Variants in CDH4 observed in about 807,000 individuals in gnomAD.
CDH4 encodes the protein cadherin-4.
In CDH4, 33 loss-of-function variants were observed where a neutral mutation model predicts 86.0. The observed-to-expected ratio is 0.38, with a 90% CI of 0.29 to 0.51. CDH4 has a LOEUF of 0.51. Among genes scored for constraint, CDH4 ranks in the 20% least tolerant of loss-of-function variants. The pLI, the probability that CDH4 is intolerant of heterozygous loss-of-function variation, is 0.86. For missense variants in CDH4, 1,114 were observed against 1,307.4 expected, an observed-to-expected ratio of 0.85 and a Z score of 2.28; for synonymous variants, 555 against 549.4, an observed-to-expected ratio of 1.01 and a Z score of -0.14.
chr20:61,926,519 A>T (rs919045039), intron 11 of CDH4, among the ~76,000 whole-genome samples: 1 of 152,186 alleles, frequency 6.6e-6, no homozygotes, highest in Admixed American at 6.5e-5. Flanking sequence ...GGTCAGGGGA[A>T]GCGTCTCCCC....
At chr20:61,718,858 T>C (rs2087996208) in intron 2 of CDH4, 1 of 471,040 alleles carries the variant, frequency 2.1e-6, no homozygotes, top group African/African-American at 2.0e-5. Context: ...TGGACTTCAC[T>C]GTTCCTGCTG....
chr20:61,273,732 G>A (rs1426543303), intron 2 of CDH4, among the ~76,000 whole-genome samples: 62 of 150,276 alleles, frequency 4.1e-4, no homozygotes, highest in African/African-American at 1.4e-3. Flanking sequence ...GGCATTTTGG[G>A]GAAGTACCAT....
intron 4 of CDH4, among the ~76,000 whole-genome samples, chr20:61,803,047 C>T (rs1044324000): frequency 2.0e-5 from 3 of 152,232 alleles, no homozygotes; most frequent in Non-Finnish European, 4.4e-5. Flanking sequence ...GTCTGGACAG[C>T]GCTCCCCTCC....
At chr20:61,498,077 G>A (rs1296390180) in intron 2 of CDH4, among the ~76,000 whole-genome samples, 1 of 123,752 alleles carries the variant, frequency 8.1e-6, no homozygotes, top group East Asian at 2.7e-4. Flanking sequence ...GGAGGGGGGA[G>A]GGATAGCATT....
rs1600798345 is a variant in CDH4, at chr20:61,937,013, C to T, written c.*70C>T. On this transcript the variant is annotated 3_prime_UTR_variant, in exon 16 of 16. Transcript: ENST00000614565. The stretch of plus-strand genomic sequence containing the variant: ...CCGGAGGAGCAGGACTGAGCAGAGG[C>T]GGCCGGTCTTCCCGACTCCCTGCGG... 5.9e-6 allele frequency: 8 copies of T among 1,363,924 alleles called. No individual in the cohort carries two copies. Among genetic ancestry groups the T allele is most frequent in the East Asian group, 2.6e-5 (1 of 39,002 alleles). 84.5% of individuals were successfully genotyped at this position (1,363,924 alleles called of 1,614,324 possible).
intron 2 of CDH4, among the ~76,000 whole-genome samples, chr20:61,423,910 G>A (rs73150207): frequency 9.3e-4 from 142 of 152,254 alleles, no homozygotes; most frequent in African/African-American, 1.8e-3. Flanking sequence ...CTCCCTGTGC[G>A]CACACATGCA....
At chr20:61,817,273 T>C (rs1034696614) in intron 4 of CDH4, among the ~76,000 whole-genome samples, 7 of 152,072 alleles carry the variant, frequency 4.6e-5, no homozygotes, top group Non-Finnish European at 8.8e-5. Context: ...TGAGTGCCCC[T>C]CACCGGGCCC....
In CDH4 at chr20:61,866,538, T is replaced by TCA. The variant is rs1405061319; in HGVS notation, c.878-7190_878-7189insCA. 7.2e-5 allele frequency among the ~76,000 whole-genome samples: 11 copies of TCA among 152,326 alleles called. No individual in the cohort carries two copies. In the East Asian group the frequency reaches 1.5e-3, roughly 21 times the overall value. On this transcript the variant is annotated intron_variant, in intron 6 of 15. Transcript: ENST00000614565. ...GCACATTTGACATGTGGAAAATGTC[T>TCA]TCCTTTCATTTCTTTGATCAATAAT...
chr20:61,574,344 C>T (rs1049854091), intron 2 of CDH4, among the ~76,000 whole-genome samples: 6 of 152,210 alleles, frequency 3.9e-5, no homozygotes, highest in Admixed American at 2.6e-4. Flanking sequence ...CCGTGGGCCC[C>T]GTGTGCAACG....
chr20:61,816,876 A>G (rs1469588276), intron 4 of CDH4, among the ~76,000 whole-genome samples: 1 of 152,124 alleles, frequency 6.6e-6, no homozygotes, highest in Non-Finnish European at 1.5e-5. Context: ...GGGGACGCTC[A>G]GGGGTCATTT....
intron 2 of CDH4, among the ~76,000 whole-genome samples, chr20:61,729,559 G>A (rs1333192179): frequency 6.6e-6 from 1 of 152,220 alleles, no homozygotes; most frequent in African/African-American, 2.4e-5. Flanking sequence ...CTGCAAACAG[G>A]CTTGCTGAGG....
chr20:61,731,361 G>C (rs1180778830), intron 2 of CDH4, among the ~76,000 whole-genome samples: 1 of 152,122 alleles, frequency 6.6e-6, no homozygotes, highest in Non-Finnish European at 1.5e-5. Context: ...CACCCTCCTA[G>C]ATGGTTCTGA....
In CDH4 at chr20:61,269,707, C is replaced by T. The variant is rs928690145; in HGVS notation, c.169+14770C>T. ...CTGCCAGAGCTGCCCTCCTGCTCTC[C>T]TCCTCCTCTTCTGGTCCCTGTGAAG... On this transcript the variant is annotated intron_variant, in intron 2 of 15. Coordinates refer to ENST00000614565, the MANE Select transcript of CDH4 (RefSeq NM_001794.5). The surrounding 1 kb of genome is among the most constrained non-coding windows in gnomAD (Gnocchi z 5.3). Among the ~76,000 whole-genome samples the T allele has an allele frequency of 6.6e-6, 1 of 152,220 alleles. No homozygotes were observed. The highest frequency in any genetic ancestry group is 1.5e-5 in the Non-Finnish European group (1 of 68,044).
intron 2 of CDH4, among the ~76,000 whole-genome samples, chr20:61,571,956 C>G (rs192239468): frequency 6.6e-6 from 1 of 152,160 alleles, no homozygotes; most frequent in African/African-American, 2.4e-5. Context: ...GGCACAGAGA[C>G]TTCAGTTCCC....
intron 2 of CDH4, among the ~76,000 whole-genome samples, chr20:61,450,298 T>C (rs760940323): frequency 5.3e-5 from 8 of 152,180 alleles, no homozygotes; most frequent in Non-Finnish European, 1.0e-4. Flanking sequence ...AGGGAAATGA[T>C]GCTTCCAAGA....
chr20:61,653,910 G>A lies in CDH4; in HGVS notation c.170-89653G>A, dbSNP rs868686867. Among the ~76,000 whole-genome samples the A allele has an allele frequency of 2.9e-4, 36 of 122,810 alleles. 1 individual carries two copies. Among genetic ancestry groups the A allele is most frequent in the Admixed American group, 2.4e-3 (30 of 12,692 alleles). 80.6% of individuals were successfully genotyped at this position (122,810 alleles called of 152,430 possible). On this transcript the variant is annotated intron_variant, in intron 2 of 15. Transcript: ENST00000614565. ...CTCCTCACTTCCTAGATGGGATGGC[G>A]GCCGCGCAGAGACACTCCTCACTTT...
chr20:61,920,101 TTGTGATTGGAAG>T (rs2054956627), intron 9 of CDH4, among the ~76,000 whole-genome samples: 1 of 45,750 alleles, frequency 2.2e-5, no homozygotes, highest in Non-Finnish European at 5.3e-5. Flanking sequence ...TGGAAGCATG[TTGTGATTGGAAG>T]CGTGTCACGG....
Position 61,525,410 on chromosome 20 carries a change from C to T in CDH4, c.170-218153C>T, listed in dbSNP as rs542379966. On this transcript the variant is annotated intron_variant, in intron 2 of 15. Transcript: ENST00000614565. ...AGGGCCCCCCAACAGGCTGGGGAAG[C>T]GGGCTGTGCTCACCTCCTGCAGGCC... Among the ~76,000 whole-genome samples the T allele has an allele frequency of 1.7e-4, 26 of 152,242 alleles. No homozygotes were observed. The South Asian group carries it at 5.2e-3, about 30-fold the overall frequency.
rs59603072 is a variant in CDH4 at position 61,496,956 on chromosome 20, A to ATTT, written c.169+242035_169+242037dup. Among the ~76,000 whole-genome samples, 351 of 108,576 alleles carry ATTT rather than the reference A, an allele frequency of 3.2e-3. 4 individuals are homozygous for ATTT. Among genetic ancestry groups the ATTT allele is most frequent in the African/African-American group, 0.011 (335 of 31,508 alleles). The allele number at this position is 108,576 out of a possible 152,430, so 71.2% of individuals were successfully genotyped here. ...TTTTTTTTGTTTGTTTTGGGGATTG[A>ATTT]TTTTTTTTTTTTTTTTTTGCTTTTT... On this transcript the variant is annotated intron_variant, in intron 2 of 15. Transcript: ENST00000614565.
Sources: gnomAD v4.1 joint callset for allele counts (sites outside exome capture counted in the v4.1 genomes callset) on GRCh38, gnomAD v4.1.1 for gene constraint, Gnocchi (gnomAD v3.1) non-coding constraint, MANE v1.5 for transcripts, NCBI Gene and HGNC (gene_info 2026-07-23, HGNC 2026-07-21) for gene names.